The following KLF7 variants were observed in gnomAD, a reference collection of about 807,000 sequenced individuals.
The protein encoded by KLF7 is Krueppel-like factor 7.
Under a neutral mutation model 27.3 loss-of-function variants are expected in KLF7, and 2 were observed. That is an observed-to-expected ratio of 0.07 (90% CI 0.03 to 0.23). KLF7 has a LOEUF of 0.23. Among genes scored for constraint, KLF7 ranks in the 10% least tolerant of loss-of-function variants. KLF7 has a pLI of 1.00. For missense variants in KLF7, 221 were observed against 394.1 expected, an observed-to-expected ratio of 0.56 and a Z score of 3.72; for synonymous variants, 165 against 162.4, an observed-to-expected ratio of 1.02 and a Z score of -0.12.
intron 1 of KLF7, among the ~76,000 whole-genome samples, chr2:207,158,588 C>CA (rs1356421448): frequency 3.3e-5 from 5 of 152,168 alleles, no homozygotes; most frequent in African/African-American, 1.2e-4. Flanking sequence ...TTCATACTCC[C>CA]ACTCCATTTG....
At chr2:207,106,067 T>C (rs77626431) in intron 2 of KLF7, among the ~76,000 whole-genome samples, 2,122 of 152,340 alleles carry the variant, frequency 0.014, 99 homozygotes, top group Admixed American at 0.098. Flanking sequence ...AACTAATTAG[T>C]ATGATTAATT....
intron 2 of KLF7, chr2:207,121,425 C>CT (rs2077337827): frequency 6.6e-6 from 1 of 152,128 alleles, no homozygotes; most frequent in African/African-American, 2.4e-5. Context: ...TTTGTTTTAT[C>CT]TTTTTTACAA....
At chr2:207,098,591 G>C (rs2076684572) in intron 2 of KLF7, among the ~76,000 whole-genome samples, 1 of 150,832 alleles carries the variant, frequency 6.6e-6, no homozygotes, top group Non-Finnish European at 1.5e-5. Context: ...ACGTATACAG[G>C]AACAGACTCT....
chr2:207,124,150 T>G lies in KLF7; in HGVS notation c.357A>C (p.Leu119=), dbSNP rs772796942. 6.2e-7 allele frequency: 1 copy of G among 1,614,058 alleles called. No individual in the cohort carries two copies. Among genetic ancestry groups the G allele is most frequent in the Non-Finnish European group, 8.5e-7 (1 of 1,180,034 alleles). The change falls in exon 2 of 4, where the codon CTA becomes CTC. Residue 119 remains leucine (L), a synonymous_variant. Coordinates refer to ENST00000309446, the MANE Select transcript of KLF7 (RefSeq NM_003709.4). ...CLSLQPASSS[L]DSYTAVNQAQ... Reference sequence around the variant, plus strand: ...CCTGGTTGACGGCTGTGTAGCTGTCTAGAGAAGAGCTGGCCGGCTGGAGGC... The same window carrying G: ...CCTGGTTGACGGCTGTGTAGCTGTCGAGAGAAGAGCTGGCCGGCTGGAGGC...
intron 1 of KLF7, among the ~76,000 whole-genome samples, chr2:207,156,025 T>C (rs1271735979): frequency 6.6e-6 from 1 of 152,186 alleles, no homozygotes; most frequent in African/African-American, 2.4e-5. Context: ...TGCAGGGCAA[T>C]TGCTCCACGG....
chr2:207,170,359 T>G (rs1315280265), upstream of KLF7, among the ~76,000 whole-genome samples: 1 of 152,146 alleles, frequency 6.6e-6, no homozygotes, highest in Non-Finnish European at 1.5e-5. Context: ...GAGGTCGATT[T>G]ATGAGGTTTA....
At chr2:207,172,266 C>A (rs1249703171), upstream of KLF7, among the ~76,000 whole-genome samples, 1 of 152,166 alleles carries the variant, frequency 6.6e-6, no homozygotes. Flanking sequence ...TCCCTAGAGG[C>A]CAAAGAGAAT....
chr2:207,092,415 A>G lies in KLF7; in HGVS notation c.734-3834T>C, dbSNP rs118116880. Among the ~76,000 whole-genome samples the G allele has an allele frequency of 3.3e-5, 5 of 152,354 alleles. No individual in the cohort carries two copies. In the East Asian group the frequency reaches 9.6e-4, roughly 29 times the overall value. On this transcript the variant is annotated intron_variant, in intron 2 of 3. Coordinates refer to ENST00000309446, the MANE Select transcript of KLF7 (RefSeq NM_003709.4). ...CAGGACCTCCTAAATGTCAGGGTGA[A>G]TATCAAGAACCACTTTCTCTGTCTG...
chr2:207,112,584 G>A (rs1318025719), intron 2 of KLF7, among the ~76,000 whole-genome samples: 2 of 152,306 alleles, frequency 1.3e-5, no homozygotes, highest in South Asian at 2.1e-4. Context: ...CATGCTCTGA[G>A]TTTTCTCAAT....
chr2:207,099,551 G>GATATATATATATATATGTATAT (rs2076710024), intron 2 of KLF7, among the ~76,000 whole-genome samples: 1 of 57,568 alleles, frequency 1.7e-5, no homozygotes, highest in Non-Finnish European at 3.3e-5. Flanking sequence ...CTACATATGC[G>GATATATATATATATATGTATAT]ATATATATAT....
intron 1 of KLF7, among the ~76,000 whole-genome samples, chr2:207,131,734 C>A (rs971198437): frequency 1.3e-5 from 2 of 152,130 alleles, no homozygotes; most frequent in African/African-American, 4.8e-5. Context: ...CCTAGGCTTT[C>A]AAAATTAAGT....
chr2:207,156,758 A>T (rs1203625807), intron 1 of KLF7, among the ~76,000 whole-genome samples: 3 of 152,250 alleles, frequency 2.0e-5, no homozygotes, highest in African/African-American at 4.8e-5. Flanking sequence ...TATTAACAAA[A>T]GTGCCAGATG....
rs565062267 is a variant in KLF7, at chr2:207,137,185, C to T, written c.103-12781G>A. Reference sequence around the variant, plus strand: ...CTTTATTCCCATTTCTGTCACCTAACAGGATGTCCCTGAGAAAGGCAACTC... The same window carrying T: ...CTTTATTCCCATTTCTGTCACCTAATAGGATGTCCCTGAGAAAGGCAACTC... On this transcript the variant is annotated intron_variant, in intron 1 of 3. Coordinates refer to ENST00000309446, the MANE Select transcript of KLF7 (RefSeq NM_003709.4). 2.6e-5 allele frequency among the ~76,000 whole-genome samples: 4 copies of T among 152,150 alleles called. No homozygotes were observed. In the East Asian group the frequency reaches 5.8e-4, roughly 22 times the overall value.
At chr2:207,168,425 C>T (rs1369479915), upstream of KLF7, among the ~76,000 whole-genome samples, 5 of 152,156 alleles carry the variant, frequency 3.3e-5, no homozygotes, top group East Asian at 1.9e-4. Context: ...CTTGGAAATA[C>T]TAAGTAAGTT....
At chr2:207,111,952 T>C (rs956910341) in intron 2 of KLF7, among the ~76,000 whole-genome samples, 5 of 152,044 alleles carry the variant, frequency 3.3e-5, no homozygotes, top group African/African-American at 9.7e-5. Flanking sequence ...CAGACTTCTT[T>C]GAACTTTTCA....
At chr2:207,151,908 C>T (rs888272279) in intron 1 of KLF7, among the ~76,000 whole-genome samples, 39 of 151,876 alleles carry the variant, frequency 2.6e-4, no homozygotes, top group Non-Finnish European at 5.6e-4. Context: ...TAAAAATCAC[C>T]ATCTGGTCAA....
intron 1 of KLF7, among the ~76,000 whole-genome samples, chr2:207,160,524 C>T (rs555884629): frequency 2.0e-5 from 3 of 152,328 alleles, no homozygotes; most frequent in Non-Finnish European, 2.9e-5. Context: ...CCACCGACCC[C>T]GTCTGGAATC....
intron 2 of KLF7, among the ~76,000 whole-genome samples, chr2:207,122,456 G>C (rs1340264502): frequency 6.6e-6 from 1 of 152,016 alleles, no homozygotes; most frequent in African/African-American, 2.4e-5. Context: ...TTATATATTC[G>C]AACTTCAGGA....
At chr2:207,081,963 C>T (rs2076283107) in intron 3 of KLF7, among the ~76,000 whole-genome samples, 1 of 151,918 alleles carries the variant, frequency 6.6e-6, no homozygotes, top group Non-Finnish European at 1.5e-5. Flanking sequence ...CCTCACCAAC[C>T]CTCCATGGTA....
Sources: gnomAD v4.1 joint callset for allele counts (sites outside exome capture counted in the v4.1 genomes callset) on GRCh38, gnomAD v4.1.1 for gene constraint, MANE v1.5 for transcripts, NCBI Gene and HGNC (gene_info 2026-07-23, HGNC 2026-07-21) for gene names.